PAK5: variants seen among roughly 807,000 people sequenced by gnomAD.
The protein encoded by PAK5 is serine/threonine-protein kinase PAK 5.
PAK5 carries 16 observed loss-of-function variants against 65.9 expected under a neutral mutation model. The ratio of observed to expected loss-of-function variants is 0.24; its 90% CI spans 0.16 to 0.37. The LOEUF (loss-of-function observed/expected upper bound fraction) is 0.37, where lower values mean the gene tolerates loss of function less well. PAK5 is among the 10% of genes least tolerant of loss of function. The pLI is 1.00. For synonymous variants in PAK5, 371 were observed against 354.9 expected (o/e 1.05, Z -0.51); for missense variants, 785 against 903.9 (o/e 0.87, Z 1.69).
At position 9,573,042 on chromosome 20, in the gene PAK5, C is replaced by T. The variant is rs1170750229; in HGVS notation, c.991-6658G>A. Among the ~76,000 whole-genome samples the T allele has an allele frequency of 3.3e-5, 5 of 151,568 alleles. No homozygotes were observed. The East Asian group carries it at 7.7e-4, about 23-fold the overall frequency. ...ACATTTTAAGAAGGAATTCTCTCTACAGGAATCTTTAGAAATATTGACAAA... is the reference window on the plus strand; with the variant it reads ...ACATTTTAAGAAGGAATTCTCTCTATAGGAATCTTTAGAAATATTGACAAA... On this transcript the variant is annotated intron_variant, in intron 4 of 9. Coordinates refer to ENST00000353224, the MANE Select transcript of PAK5 (RefSeq NM_177990.4).
intron 2 of PAK5, among the ~76,000 whole-genome samples, chr20:9,685,106 T>C (rs372330340): frequency 1.3e-5 from 2 of 152,218 alleles, no homozygotes; most frequent in Non-Finnish European, 2.9e-5. Flanking sequence ...TGTCTTTCCA[T>C]AGCACTGATC....
At chr20:9,620,594 C>G (rs1012135763) in intron 3 of PAK5, among the ~76,000 whole-genome samples, 23 of 152,176 alleles carry the variant, frequency 1.5e-4, no homozygotes, top group African/African-American at 5.3e-4. Flanking sequence ...CATGGGTGGA[C>G]AGCAGGCTCA....
chr20:9,665,789 T>A (rs991252902), intron 2 of PAK5, among the ~76,000 whole-genome samples: 1 of 152,084 alleles, frequency 6.6e-6, no homozygotes, highest in African/African-American at 2.4e-5. Flanking sequence ...CCACTGTGCA[T>A]GGCTGGTCAT....
intron 1 of PAK5, among the ~76,000 whole-genome samples, chr20:9,751,414 C>G (rs1054277813): frequency 6.6e-6 from 1 of 152,118 alleles, no homozygotes; most frequent in African/African-American, 2.4e-5. Context: ...GCTTGCTTCT[C>G]TCTCCTCATC....
At chr20:9,703,046 T>C (rs965704610) in intron 2 of PAK5, among the ~76,000 whole-genome samples, 1 of 152,152 alleles carries the variant, frequency 6.6e-6, no homozygotes, top group Non-Finnish European at 1.5e-5. Flanking sequence ...AAGTGATAGA[T>C]TGTACCTAAA....
At chr20:9,693,864 T>C (rs983109500) in intron 2 of PAK5, among the ~76,000 whole-genome samples, 1 of 152,162 alleles carries the variant, frequency 6.6e-6, no homozygotes, top group Non-Finnish European at 1.5e-5. Context: ...AGTTTCTCAC[T>C]TCAATCTAAT....
At chr20:9,704,205 T>C (rs1353727956) in intron 2 of PAK5, among the ~76,000 whole-genome samples, 1 of 152,142 alleles carries the variant, frequency 6.6e-6, no homozygotes, top group Non-Finnish European at 1.5e-5. Context: ...CCTGGGCCTG[T>C]GTTACAACAC....
intron 2 of PAK5, among the ~76,000 whole-genome samples, chr20:9,659,136 T>A (rs2047309774): frequency 6.6e-6 from 1 of 152,202 alleles, no homozygotes; most frequent in Non-Finnish European, 1.5e-5. Flanking sequence ...GTATTGTGGG[T>A]GTGTGTGCAT....
At chr20:9,712,556 A>T (rs1760627943) in intron 1 of PAK5, among the ~76,000 whole-genome samples, 1 of 152,142 alleles carries the variant, frequency 6.6e-6, no homozygotes, top group South Asian at 2.1e-4. Flanking sequence ...ACTCCGAATA[A>T]CTAAAGCAAT....
At chr20:9,791,420 T>C (rs2049048984) in intron 1 of PAK5, among the ~76,000 whole-genome samples, 2 of 152,098 alleles carry the variant, frequency 1.3e-5, no homozygotes, top group South Asian at 4.1e-4. Context: ...ATTCCTGCCT[T>C]TCTGACAAGT....
rs189331560 is a variant in PAK5, at chr20:9,772,288, T to A, written c.-161-60853A>T. 1.9e-3 allele frequency among the ~76,000 whole-genome samples: 296 copies of A among 152,260 alleles called. 10 individuals carry two copies. The highest frequency in any genetic ancestry group is 0.017 in the Admixed American group (265 of 15,296). ...AAAATAAGATGAGCTGGGGGAGGTA[T>A]AATTGGATGATTATAAATATAATTC... On this transcript the variant is annotated intron_variant, in intron 1 of 9. Transcript: ENST00000353224.
chr20:9,667,720 T>C (rs1053311169), intron 2 of PAK5, among the ~76,000 whole-genome samples: 13 of 152,162 alleles, frequency 8.5e-5, no homozygotes, highest in African/African-American at 2.7e-4. Context: ...AGTTTTGGGG[T>C]CATTTGTCAC....
At chr20:9,693,402 C>T (rs1346588861) in intron 2 of PAK5, among the ~76,000 whole-genome samples, 1 of 151,806 alleles carries the variant, frequency 6.6e-6, no homozygotes, top group Non-Finnish European at 1.5e-5. Context: ...CTTCTGCTTC[C>T]ATTCTCTCTC....
At chr20:9,616,979 G>T (rs2046668920) in intron 3 of PAK5, among the ~76,000 whole-genome samples, 1 of 152,144 alleles carries the variant, frequency 6.6e-6, no homozygotes, top group African/African-American at 2.4e-5. Context: ...CAAAAAGCTG[G>T]ACTATTGCAA....
intron 1 of PAK5, among the ~76,000 whole-genome samples, chr20:9,815,696 C>G (rs578084535): frequency 3.5e-4 from 53 of 152,242 alleles, no homozygotes; most frequent in Non-Finnish European, 5.6e-4. Context: ...TCTACCATAG[C>G]AATTCTTTTT....
intron 2 of PAK5, among the ~76,000 whole-genome samples, chr20:9,654,400 T>A (rs2047239958): frequency 6.6e-6 from 1 of 152,200 alleles, no homozygotes; most frequent in African/African-American, 2.4e-5. Flanking sequence ...CAACCTTAAT[T>A]CCCCTTACAG....
At chr20:9,691,782 A>G (rs2047801316) in intron 2 of PAK5, among the ~76,000 whole-genome samples, 1 of 152,202 alleles carries the variant, frequency 6.6e-6, no homozygotes. Flanking sequence ...TTCACAGAAC[A>G]ATACTTATTT....
At chr20:9,613,832 A>T (rs771697512) in intron 3 of PAK5, among the ~76,000 whole-genome samples, 1 of 152,146 alleles carries the variant, frequency 6.6e-6, no homozygotes, top group Non-Finnish European at 1.5e-5. Context: ...TCCTAATCAC[A>T]GGTCTACACA....
At chr20:9,728,591 TAA>T (rs2048301546) in intron 1 of PAK5, among the ~76,000 whole-genome samples, 1 of 152,032 alleles carries the variant, frequency 6.6e-6, no homozygotes, top group Non-Finnish European at 1.5e-5. Flanking sequence ...GAAGGAAAAA[TAA>T]CTCAGTTTGC....
Sources: gnomAD v4.1 joint callset for allele counts (sites outside exome capture counted in the v4.1 genomes callset) on GRCh38, gnomAD v4.1.1 for gene constraint, MANE v1.5 for transcripts, NCBI Gene and HGNC (gene_info 2026-07-23, HGNC 2026-07-21) for gene names.